TAFA1: variants seen among roughly 807,000 people sequenced by gnomAD.
The protein encoded by TAFA1 is chemokine-like protein TAFA-1.
TAFA1 carries 4 observed loss-of-function variants against 18.5 expected under a neutral mutation model. The ratio of observed to expected loss-of-function variants is 0.22; its 90% CI spans 0.11 to 0.49. The LOEUF is 0.49. Ranked by LOEUF, TAFA1 falls within the 20% of genes least tolerant of loss-of-function variation. The pLI, the probability that TAFA1 is intolerant of heterozygous loss-of-function variation, is 0.98. For missense variants in TAFA1, 147 were observed against 169.0 expected (o/e 0.87, Z 0.72); for synonymous variants, 56 against 55.2 (o/e 1.01, Z -0.06).
chr3:68,161,707 T>C (rs1023717409), intron 2 of TAFA1, among the ~76,000 whole-genome samples: 2 of 152,170 alleles, frequency 1.3e-5, no homozygotes, highest in Admixed American at 1.3e-4. Flanking sequence ...AAGCTAAGAT[T>C]TCAGACTCAA....
At chr3:67,994,905 G>A in the TAFA1 span, among the ~76,000 whole-genome samples, 1 of 152,144 alleles carries the variant, frequency 6.6e-6, no homozygotes, top group Non-Finnish European at 1.5e-5. Context: ...TCTGGAACCA[G>A]CGGTTAGCTT....
chr3:68,358,534 T>C (rs1251944005), intron 2 of TAFA1, among the ~76,000 whole-genome samples: 4 of 151,944 alleles, frequency 2.6e-5, no homozygotes, highest in Admixed American at 2.0e-4. Flanking sequence ...ATGATATGGC[T>C]TCCCTTTTTA....
the TAFA1 span, among the ~76,000 whole-genome samples, chr3:67,995,286 G>C: frequency 6.6e-6 from 1 of 152,026 alleles, no homozygotes; most frequent in East Asian, 1.9e-4. Context: ...TTTCAAACTT[G>C]GCTGCAAATT....
chr3:68,091,193 A>G (rs749336321), intron 2 of TAFA1, among the ~76,000 whole-genome samples: 1 of 152,192 alleles, frequency 6.6e-6, no homozygotes, highest in Non-Finnish European at 1.5e-5. Flanking sequence ...ACACCTACAG[A>G]CTTCTCTCTG....
chr3:68,369,447 T>C (rs899907221), intron 2 of TAFA1, among the ~76,000 whole-genome samples: 2 of 152,220 alleles, frequency 1.3e-5, no homozygotes, highest in African/African-American at 4.8e-5. Flanking sequence ...AAATCAGGCC[T>C]ACAATAAGGA....
intron 2 of TAFA1, among the ~76,000 whole-genome samples, chr3:68,209,953 T>C (rs1433525043): frequency 6.6e-6 from 1 of 152,000 alleles, no homozygotes; most frequent in African/African-American, 2.4e-5. Flanking sequence ...AGCATCACTT[T>C]TAATTTTTTT....
At chr3:68,450,098 T>A (rs2071547126) in intron 3 of TAFA1, among the ~76,000 whole-genome samples, 1 of 152,156 alleles carries the variant, frequency 6.6e-6, no homozygotes, top group African/African-American at 2.4e-5. Flanking sequence ...GAGTGGGAGT[T>A]AAAATTGTAG....
At chr3:68,254,151 A>ATCTG (rs2067251417) in intron 2 of TAFA1, among the ~76,000 whole-genome samples, 5 of 128,106 alleles carry the variant, frequency 3.9e-5, no homozygotes, top group African/African-American at 1.6e-4. Context: ...CTATCTATCT[A>ATCTG]TCTATCTGTC....
Position 68,455,533 on chromosome 3 carries a change from C to T in TAFA1, c.259+38113C>T, listed in dbSNP as rs532127053. Among the ~76,000 whole-genome samples, 5 of 152,264 alleles carry T rather than the reference C, an allele frequency of 3.3e-5. No individual in the cohort carries two copies. The South Asian group carries it at 1.0e-3, about 32-fold the overall frequency. On this transcript the variant is annotated intron_variant, in intron 3 of 4. Coordinates refer to ENST00000478136, the MANE Select transcript of TAFA1 (RefSeq NM_213609.4). ...TCTGACACTGCTTCTCCATCTTCTT[C>T]CTCATCATCAGGTTTCGATGCATTC...
At chr3:68,300,037 G>A (rs1027889055) in intron 2 of TAFA1, among the ~76,000 whole-genome samples, 4 of 152,250 alleles carry the variant, frequency 2.6e-5, no homozygotes, top group Non-Finnish European at 5.9e-5. Flanking sequence ...CCCACTTAGA[G>A]TCCCCACGGG....
chr3:68,135,179 G>C (rs1277655210), intron 2 of TAFA1, among the ~76,000 whole-genome samples: 2 of 152,104 alleles, frequency 1.3e-5, no homozygotes, highest in African/African-American at 4.8e-5. Context: ...ACATTCCACT[G>C]GCCACACATA....
chr3:68,488,342 C>T lies in TAFA1; in HGVS notation c.260-50414C>T, dbSNP rs184155845. On this transcript the variant is annotated intron_variant, in intron 3 of 4. Coordinates refer to ENST00000478136, the MANE Select transcript of TAFA1 (RefSeq NM_213609.4). ...TCACGTTCTTCTGTCTGCTTTTATT[C>T]TAGCCACGCTGGCAGCTGATTAGAT... 2.8e-4 allele frequency among the ~76,000 whole-genome samples: 42 copies of T among 152,304 alleles called. 1 individual carries two copies. The East Asian group carries it at 6.4e-3, about 23-fold the overall frequency.
chr3:68,352,514 G>A (rs962565557), intron 2 of TAFA1, among the ~76,000 whole-genome samples: 2 of 152,158 alleles, frequency 1.3e-5, no homozygotes, highest in East Asian at 1.9e-4. Context: ...TTCCTCTGGT[G>A]CCATATCTGA....
At chr3:68,296,065 A>T (rs1033031323) in intron 2 of TAFA1, among the ~76,000 whole-genome samples, 1 of 152,210 alleles carries the variant, frequency 6.6e-6, no homozygotes, top group African/African-American at 2.4e-5. Context: ...AATGAGCACC[A>T]TTATTATACA....
chr3:68,485,324 G>T (rs540650997), intron 3 of TAFA1, among the ~76,000 whole-genome samples: 1 of 152,268 alleles, frequency 6.6e-6, no homozygotes, highest in Non-Finnish European at 1.5e-5. Flanking sequence ...GTGCTAAGTT[G>T]CTCTACCCCA....
At chr3:68,315,214 T>C (rs1407713539) in intron 2 of TAFA1, among the ~76,000 whole-genome samples, 1 of 152,138 alleles carries the variant, frequency 6.6e-6, no homozygotes, top group African/African-American at 2.4e-5. Context: ...TGACTGGATA[T>C]GGACAAAAGA....
At chr3:68,079,122 A>C (rs1390114323) in intron 2 of TAFA1, among the ~76,000 whole-genome samples, 1 of 152,110 alleles carries the variant, frequency 6.6e-6, no homozygotes, top group East Asian at 1.9e-4. Flanking sequence ...GTATTCTCTG[A>C]TGGTAGTTTG....
intron 2 of TAFA1, among the ~76,000 whole-genome samples, chr3:68,370,127 A>T (rs1368763693): frequency 4.0e-5 from 6 of 148,472 alleles, no homozygotes; most frequent in Admixed American, 6.8e-5. Flanking sequence ...TCTCTAATAA[A>T]AATACAAAAA....
At chr3:68,189,112 C>A (rs2066307295) in intron 2 of TAFA1, among the ~76,000 whole-genome samples, 1 of 151,886 alleles carries the variant, frequency 6.6e-6, no homozygotes, top group African/African-American at 2.4e-5. Flanking sequence ...AGTGGAAGTT[C>A]TGTGAAGGTG....
Sources: allele counts gnomAD v4.1 joint callset (sites outside exome capture counted in the v4.1 genomes callset), GRCh38; gene constraint gnomAD v4.1.1; transcripts MANE v1.5; gene names NCBI Gene and HGNC (gene_info 2026-07-23, HGNC 2026-07-21).